Variants in AUTS2 observed in about 807,000 individuals in gnomAD.
The protein encoded by AUTS2 is autism susceptibility gene 2 protein.
Under a neutral mutation model 112.4 loss-of-function variants are expected in AUTS2, and 17 were observed. The observed-to-expected ratio is 0.15, with a 90% confidence interval of 0.10 to 0.23. AUTS2 has a LOEUF of 0.23. AUTS2 is among the 10% of genes least tolerant of loss of function. The pLI is 1.00. For missense variants in AUTS2, 1,510 were observed against 1,701.6 expected (o/e 0.89, Z 1.98); for synonymous variants, 751 against 702.7 (o/e 1.07, Z -1.09).
intron 5 of AUTS2, among the ~76,000 whole-genome samples, chr7:70,511,768 G>T (rs972581494): frequency 2.0e-5 from 3 of 151,408 alleles, no homozygotes; most frequent in African/African-American, 4.9e-5. Context: ...TAGAGACCAG[G>T]TTTCACCACG....
intron 4 of AUTS2, among the ~76,000 whole-genome samples, chr7:70,421,824 A>G (rs1322119285): frequency 2.6e-5 from 4 of 152,202 alleles, no homozygotes. Context: ...CTAATAAGAG[A>G]TTGTGGATAC....
At chr7:70,745,973 G>A (rs17142034) in intron 6 of AUTS2, among the ~76,000 whole-genome samples, 9,852 of 152,102 alleles carry the variant, frequency 0.065, 433 homozygotes, top group Middle Eastern at 0.12. Flanking sequence ...AGTTATAAAG[G>A]AACTTGCTTA....
At chr7:70,067,449 T>C (rs1802547113) in intron 2 of AUTS2, among the ~76,000 whole-genome samples, 1 of 152,224 alleles carries the variant, frequency 6.6e-6, no homozygotes, top group Non-Finnish European at 1.5e-5. Context: ...TATACACCAC[T>C]AGAAAGCCCT....
intron 1 of AUTS2, among the ~76,000 whole-genome samples, chr7:69,751,751 C>A (rs1012139349): frequency 2.6e-5 from 4 of 152,176 alleles, no homozygotes; most frequent in African/African-American, 9.7e-5. Flanking sequence ...AGTGTTTAGG[C>A]TTAAAAGATT....
intron 1 of AUTS2, among the ~76,000 whole-genome samples, chr7:69,792,681 T>C (rs1789667299): frequency 6.6e-6 from 1 of 152,124 alleles, no homozygotes; most frequent in Admixed American, 6.5e-5. Context: ...TTTCCAAAGC[T>C]TTCCTCCCAG....
intron 1 of AUTS2, among the ~76,000 whole-genome samples, chr7:69,798,067 G>A (rs925054314): frequency 1.3e-5 from 2 of 152,008 alleles, no homozygotes; most frequent in African/African-American, 2.4e-5. Context: ...AGCTATCAAA[G>A]CGTTAATGTT....
chr7:70,413,991 T>G (rs1794889790), intron 4 of AUTS2, among the ~76,000 whole-genome samples: 1 of 152,166 alleles, frequency 6.6e-6, no homozygotes, highest in South Asian at 2.1e-4. Flanking sequence ...TAAACACTTT[T>G]TGCTTACACA....
intron 6 of AUTS2, among the ~76,000 whole-genome samples, chr7:70,750,805 C>T (rs1563171041): frequency 6.6e-6 from 1 of 152,332 alleles, no homozygotes; most frequent in East Asian, 1.9e-4. Flanking sequence ...AGATGAAATA[C>T]AATCATCAGA....
chr7:70,633,741 G>A (rs143551880), intron 5 of AUTS2, among the ~76,000 whole-genome samples: 13 of 152,052 alleles, frequency 8.5e-5, no homozygotes, highest in Admixed American at 2.6e-4. Context: ...AATGTGAACC[G>A]TCTATTAAAT....
chr7:69,784,386 G>A (rs1223342866), intron 1 of AUTS2, among the ~76,000 whole-genome samples: 3 of 152,176 alleles, frequency 2.0e-5, no homozygotes, highest in Non-Finnish European at 4.4e-5. Context: ...GAAGAAAAGG[G>A]GGTTTGGATG....
chr7:70,765,011 A>G lies in AUTS2; in HGVS notation c.1468+6A>G. 6.2e-7 allele frequency: 1 copy of G among 1,613,654 alleles called. No individual in the cohort carries two copies. The stretch of plus-strand genomic sequence containing the variant: ...GGCCGGGAGCACTTACTCAGGTAGG[A>G]CGGAGGGGCCTGTGCTCGTGACCCC... On this transcript the variant is annotated splice_donor_region_variant and intron_variant, in intron 8 of 18. Transcript: ENST00000342771.
intron 2 of AUTS2, among the ~76,000 whole-genome samples, chr7:70,084,991 G>A (rs1476519005): frequency 6.6e-6 from 1 of 151,914 alleles, no homozygotes; most frequent in Non-Finnish European, 1.5e-5. Flanking sequence ...TCCCACCTTG[G>A]CCTCCTGACT....
chr7:70,662,393 A>G (rs1309453208), intron 5 of AUTS2, among the ~76,000 whole-genome samples: 1 of 152,204 alleles, frequency 6.6e-6, no homozygotes, highest in African/African-American at 2.4e-5. Flanking sequence ...GGAAAGGGAA[A>G]TCCTAATTAC....
chr7:70,052,076 C>T (rs998857942), intron 2 of AUTS2, among the ~76,000 whole-genome samples: 8 of 152,072 alleles, frequency 5.3e-5, no homozygotes, highest in South Asian at 2.1e-4. Context: ...AGAAATGGAA[C>T]GGAGAAGATA....
intron 4 of AUTS2, among the ~76,000 whole-genome samples, chr7:70,222,970 C>T: frequency 6.6e-6 from 1 of 151,734 alleles, no homozygotes. Flanking sequence ...TCACTGCAAC[C>T]TCTGCCTCTT....
chr7:69,865,813 T>C (rs1290196548), intron 1 of AUTS2, among the ~76,000 whole-genome samples: 1 of 152,164 alleles, frequency 6.6e-6, no homozygotes, highest in East Asian at 1.9e-4. Flanking sequence ...CCTGTCCAAA[T>C]TTTTCTCCTC....
chr7:70,246,095 G>T (rs1812907826), intron 4 of AUTS2, among the ~76,000 whole-genome samples: 1 of 151,888 alleles, frequency 6.6e-6, no homozygotes, highest in South Asian at 2.1e-4. Context: ...TATATATTTT[G>T]ATCACTATTC....
At chr7:70,435,664 T>C in intron 4 of AUTS2, 88 bp from the exon 5 acceptor site, 2 of 1,334,496 alleles carry the variant, frequency 1.5e-6, no homozygotes, top group East Asian at 4.7e-5. Context: ...TTGCACTTTT[T>C]TTGTATGGGG....
chr7:70,206,766 G>T (rs1286075194), intron 4 of AUTS2, among the ~76,000 whole-genome samples: 1 of 152,136 alleles, frequency 6.6e-6, no homozygotes, highest in Non-Finnish European at 1.5e-5. Context: ...TCAGATTTAT[G>T]TACTGCTAAA....
Sources: gnomAD v4.1 joint callset for allele counts (sites outside exome capture counted in the v4.1 genomes callset) on GRCh38, gnomAD v4.1.1 for gene constraint, MANE v1.5 for transcripts, NCBI Gene and HGNC (gene_info 2026-07-23, HGNC 2026-07-21) for gene names.